The following SULF1 variants were observed in gnomAD, a reference collection of about 807,000 sequenced individuals.
SULF1 encodes the protein extracellular sulfatase Sulf-1.
Under a neutral mutation model 110.5 loss-of-function variants are expected in SULF1, and 46 were observed. The ratio of observed to expected loss-of-function variants is 0.42; its 90% CI spans 0.33 to 0.53. The LOEUF (loss-of-function observed/expected upper bound fraction) is 0.53, where lower values mean the gene tolerates loss of function less well. Among genes scored for constraint, SULF1 ranks in the 20% least tolerant of loss-of-function variants. The probability of loss-of-function intolerance (pLI) is 0.12; values close to 1 mark genes in which losing one functional copy is unlikely to be tolerated. For missense variants in SULF1, 941 were observed against 1,094.2 expected, an observed-to-expected ratio of 0.86 and a Z score of 1.98; for synonymous variants, 371 against 387.1, an observed-to-expected ratio of 0.96 and a Z score of 0.49.
chr8:69,640,159 G>GA (rs1192765920), intron 21 of SULF1, among the ~76,000 whole-genome samples: 1 of 94,318 alleles, frequency 1.1e-5, no homozygotes, highest in Non-Finnish European at 2.5e-5. Context: ...AAGAAAGAAA[G>GA]AAAAAAAGAA....
rs545749916 is a variant in SULF1 at position 69,515,439 on chromosome 8, CCCTGGG to C, written c.-134+13477_-134+13482del. Reference sequence around the variant, plus strand: ...CCCAGGGCTGCATAGAACAGTGGGGCCCTGGGCCTGGCCCATGAAACCATTTTTTCC... The same window carrying C: ...CCCAGGGCTGCATAGAACAGTGGGGCCCTGGCCCATGAAACCATTTTTTCC... On this transcript the variant is annotated intron_variant, in intron 3 of 22. Coordinates refer to ENST00000402687, the MANE Select transcript of SULF1 (RefSeq NM_001128205.2). Among the ~76,000 whole-genome samples the C allele has an allele frequency of 4.7e-4, 72 of 152,270 alleles. 1 individual carries two copies. Among genetic ancestry groups the C allele is most frequent in the African/African-American group, 1.6e-3 (68 of 41,556 alleles).
At chr8:69,573,082 C>T (rs1805353417) in intron 5 of SULF1, among the ~76,000 whole-genome samples, 1 of 152,192 alleles carries the variant, frequency 6.6e-6, no homozygotes, top group African/African-American at 2.4e-5. Context: ...CCACCTTGGC[C>T]TCCCAAAGTG....
chr8:69,524,302 T>G (rs1812519623), intron 3 of SULF1, among the ~76,000 whole-genome samples: 1 of 152,062 alleles, frequency 6.6e-6, no homozygotes, highest in East Asian at 1.9e-4. Context: ...GAGGTTCAAT[T>G]GGCTTACATT....
At chr8:69,505,119 A>G (rs562970997) in intron 3 of SULF1, among the ~76,000 whole-genome samples, 7 of 152,338 alleles carry the variant, frequency 4.6e-5, no homozygotes, top group African/African-American at 1.7e-4. Context: ...CTGCCCAAGC[A>G]TTTCCTGTCT....
intron 3 of SULF1, among the ~76,000 whole-genome samples, chr8:69,562,068 G>A (rs760624006): frequency 6.6e-6 from 1 of 152,206 alleles, no homozygotes; most frequent in East Asian, 1.9e-4. Flanking sequence ...GTTTGTTGCA[G>A]ATAATGTAGT....
Position 69,621,137 on chromosome 8 carries a change from G to A in SULF1, c.1480G>A (p.Ala494Thr), listed in dbSNP as rs368427346. Residue 494 changes from alanine (A) to threonine (T), a missense_variant, in exon 14 of 23, where the codon GCT becomes ACT. Physicochemically the swap from Ala to Thr is moderately conservative, Grantham distance 58 (BLOSUM62 0). Coordinates refer to ENST00000402687, the MANE Select transcript of SULF1 (RefSeq NM_001128205.2). ...CCGGCAGAGCACGCGGAACCTCTACGCTCGCGGCTTCCATGACAAAGACAA... is the reference window on the plus strand; with the variant it reads ...CCGGCAGAGCACGCGGAACCTCTACACTCGCGGCTTCCATGACAAAGACAA... ...TVRQSTRNLY[A>T]RGFHDKDKEC... 33 of 1,614,128 alleles carry A rather than the reference G, an allele frequency of 2.0e-5. No individual in the cohort carries two copies. Among genetic ancestry groups the A allele is most frequent in the Admixed American group, 8.3e-5 (5 of 60,022 alleles).
chr8:69,575,214 T>TC (rs1805517502), intron 5 of SULF1, among the ~76,000 whole-genome samples: 1 of 151,636 alleles, frequency 6.6e-6, no homozygotes, highest in East Asian at 1.9e-4. Context: ...TTTTTTTTTT[T>TC]CCTTCCTCAG....
chr8:69,588,930 C>A, intron 7 of SULF1, 42 bp from the exon 8 acceptor site: 2 of 1,581,322 alleles, frequency 1.3e-6, no homozygotes, highest in South Asian at 1.1e-5. Flanking sequence ...TGATGAATGT[C>A]ACCTTTTGTA....
At chr8:69,474,953 G>T (rs1586189498) in intron 1 of SULF1, among the ~76,000 whole-genome samples, 1 of 152,188 alleles carries the variant, frequency 6.6e-6, no homozygotes, top group Non-Finnish European at 1.5e-5. Context: ...CATGGCTTGA[G>T]CTGAGGCTTG....
At chr8:69,602,971 C>T (rs1807947172) in intron 10 of SULF1, among the ~76,000 whole-genome samples, 1 of 152,146 alleles carries the variant, frequency 6.6e-6, no homozygotes, top group Admixed American at 6.5e-5. Flanking sequence ...GGGGTGCAGG[C>T]ATCTCTCCAG....
At chr8:69,603,770 C>A in intron 12 of SULF1, 114 bp downstream of exon 12, 1 of 749,450 alleles carries the variant, frequency 1.3e-6, no homozygotes, top group Non-Finnish European at 2.4e-6. Context: ...TTTCGTAAAC[C>A]TAGTCACAAG....
chr8:69,544,260 T>G (rs1814083548), intron 3 of SULF1, among the ~76,000 whole-genome samples: 2 of 147,408 alleles, frequency 1.4e-5, no homozygotes, highest in African/African-American at 2.7e-5. Context: ...TGTTTTTTTT[T>G]GTTTGTTTTT....
At chr8:69,634,810 A>C (rs1486478138) in intron 19 of SULF1, among the ~76,000 whole-genome samples, 2 of 152,076 alleles carry the variant, frequency 1.3e-5, no homozygotes, top group Admixed American at 6.5e-5. Context: ...TGTAAAAAAA[A>C]ATTTTTTTCT....
chr8:69,466,834 G>A (rs769025183), exon 1 of SULF1: 8 of 152,308 alleles, frequency 5.3e-5, no homozygotes, highest in Non-Finnish European at 1.2e-4. Flanking sequence ...AGGCTGCCTT[G>A]CTGGAGCTGT....
At chr8:69,636,369 T>C (rs1811010316) in intron 19 of SULF1, among the ~76,000 whole-genome samples, 1 of 152,010 alleles carries the variant, frequency 6.6e-6, no homozygotes, top group Admixed American at 6.6e-5. Context: ...ACCCCGTCTC[T>C]ACTAAAAATA....
intron 3 of SULF1, among the ~76,000 whole-genome samples, chr8:69,517,380 C>A (rs1392791247): frequency 6.6e-6 from 1 of 152,196 alleles, no homozygotes; most frequent in Admixed American, 6.5e-5. Context: ...TAAGCCATAG[C>A]ACCTGCTTTC....
intron 3 of SULF1, among the ~76,000 whole-genome samples, chr8:69,556,781 A>G (rs1428536843): frequency 6.6e-6 from 1 of 152,136 alleles, no homozygotes; most frequent in Non-Finnish European, 1.5e-5. Context: ...TTTTAAGTCC[A>G]GGGGTACATG....
At position 69,592,480 on chromosome 8, in the gene SULF1, A is replaced by G. The variant is rs186259725; in HGVS notation, c.734+3339A>G. ...TTAGTGATTCTATAAAGTAAAATCT[A>G]CACAGTGCAGAGGGTGGCCTTAGAG... On this transcript the variant is annotated intron_variant, in intron 8 of 22. Coordinates refer to ENST00000402687, the MANE Select transcript of SULF1 (RefSeq NM_001128205.2). Among the ~76,000 whole-genome samples, 275 of 152,330 alleles carry G rather than the reference A, an allele frequency of 1.8e-3. 1 individual carries two copies. Among genetic ancestry groups the G allele is most frequent in the African/African-American group, 6.2e-3 (256 of 41,576 alleles).
intron 2 of SULF1, among the ~76,000 whole-genome samples, chr8:69,498,113 CCACACA>C (rs71257190): frequency 0.17 from 25,640 of 148,594 alleles, 2,686 homozygotes; most frequent in East Asian, 0.51. Flanking sequence ...CTCTCTCTCT[CCACACA>C]CACACACACA....
Sources: gnomAD v4.1 joint callset for allele counts (sites outside exome capture counted in the v4.1 genomes callset) on GRCh38, gnomAD v4.1.1 for gene constraint, MANE v1.5 for transcripts, NCBI Gene and HGNC (gene_info 2026-07-23, HGNC 2026-07-21) for gene names.